The following MAP2 variants were observed in gnomAD, a reference collection of about 807,000 sequenced individuals.
The protein encoded by MAP2 is microtubule associated protein 2.
MAP2 carries 14 observed loss-of-function variants against 137.6 expected under a neutral mutation model. That is an observed-to-expected ratio of 0.10 (90% confidence interval 0.07 to 0.16). MAP2 has a LOEUF of 0.16. MAP2 is among the 10% of genes least tolerant of loss of function. MAP2 has a pLI of 1.00. For synonymous variants in MAP2, 786 were observed against 782.3 expected (o/e 1.00, Z -0.08); for missense variants, 2,088 against 2,191.5 (o/e 0.95, Z 0.94).
At chr2:209,489,702 G>A (rs1052703686) in intron 1 of MAP2, among the ~76,000 whole-genome samples, 6 of 151,926 alleles carry the variant, frequency 3.9e-5, no homozygotes, top group Admixed American at 2.6e-4. Flanking sequence ...AGAGATTGAA[G>A]ATCAATTTAA....
chr2:209,476,252 A>C (rs1487045227), intron 1 of MAP2, among the ~76,000 whole-genome samples: 1 of 152,170 alleles, frequency 6.6e-6, no homozygotes, highest in Non-Finnish European at 1.5e-5. Flanking sequence ...TGGAAAGAAG[A>C]TCTATTGACC....
intron 7 of MAP2, 101 bp downstream of exon 7, chr2:209,680,928 C>A: frequency 2.6e-6 from 2 of 780,592 alleles, no homozygotes; most frequent in Non-Finnish European, 4.2e-6. Flanking sequence ...AGTATGTGAC[C>A]AAGCTTTGGA....
intron 3 of MAP2, among the ~76,000 whole-genome samples, chr2:209,582,035 T>G (rs535985574): frequency 1.4e-4 from 21 of 152,278 alleles, no homozygotes; most frequent in African/African-American, 5.1e-4. Flanking sequence ...AATATTGTGG[T>G]GAGTTAATTC....
Position 209,709,672 on chromosome 2 carries a change from GA to G in MAP2, c.4733-232del, listed in dbSNP as rs533661773. Among the ~76,000 whole-genome samples the G allele has an allele frequency of 2.9e-3, 428 of 148,778 alleles. 1 individual carries two copies. The highest frequency in any genetic ancestry group is 5.5e-3 in the South Asian group (26 of 4,694). Reference sequence around the variant, plus strand: ...AATGAAAATTACGGAGAACAAATCAGAAAAAAAAAATCAGGTTTTTTTCTTT... The same window carrying G: ...AATGAAAATTACGGAGAACAAATCAGAAAAAAAAATCAGGTTTTTTTCTTT... On this transcript the variant is annotated intron_variant, in intron 12 of 15. Transcript: ENST00000682079.
intron 3 of MAP2, among the ~76,000 whole-genome samples, chr2:209,620,316 T>A (rs1487518765): frequency 6.6e-6 from 1 of 152,190 alleles, no homozygotes; most frequent in Non-Finnish European, 1.5e-5. Flanking sequence ...CTTCTGGGTT[T>A]AGAGATGAAA....
At chr2:209,659,182 T>C (rs1322614642) in intron 5 of MAP2, among the ~76,000 whole-genome samples, 4 of 152,168 alleles carry the variant, frequency 2.6e-5, no homozygotes, top group African/African-American at 9.7e-5. Flanking sequence ...TTTTCTATAG[T>C]TTATAATTTA....
chr2:209,554,872 A>ATT (rs2070162780), intron 2 of MAP2, among the ~76,000 whole-genome samples: 1 of 148,500 alleles, frequency 6.7e-6, no homozygotes, highest in Non-Finnish European at 1.5e-5. Context: ...TCTGATAAAT[A>ATT]TTATATATAT....
At chr2:209,511,043 A>G in intron 2 of MAP2, among the ~76,000 whole-genome samples, 1 of 152,120 alleles carries the variant, frequency 6.6e-6, no homozygotes, top group East Asian at 1.9e-4. Context: ...AAGTGTTTGG[A>G]ATGCTGTGAG....
At chr2:209,673,081 T>A (rs2049597204) in intron 5 of MAP2, among the ~76,000 whole-genome samples, 1 of 151,912 alleles carries the variant, frequency 6.6e-6, no homozygotes, top group African/African-American at 2.4e-5. Flanking sequence ...TCACTTTTTA[T>A]CTTCAGATGT....
chr2:209,614,929 T>C (rs1185784767), intron 3 of MAP2, among the ~76,000 whole-genome samples: 1 of 152,174 alleles, frequency 6.6e-6, no homozygotes, highest in Non-Finnish European at 1.5e-5. Context: ...TTCCTCTGCT[T>C]CTAGAGCTTT....
In MAP2 at chr2:209,696,616, A is replaced by C; in HGVS notation, c.4255A>C (p.Arg1419=). 6.2e-7 allele frequency: 1 copy of C among 1,613,952 alleles called. No individual in the cohort carries two copies. The highest frequency in any genetic ancestry group is 8.5e-7 in the Non-Finnish European group (1 of 1,179,904). Residue 1419 remains arginine (R), a synonymous_variant, in exon 9 of 16, where the codon AGA becomes CGA. Coordinates refer to ENST00000682079, the MANE Select transcript of MAP2 (RefSeq NM_001375505.1). ...GGAGAAAGCTGAAAAGGAAGCTCGG[A>C]GATCATCTCTTGAGAAACATAGAAA... The part of the protein sequence containing the change: ...KEEKAEKEAR[R]SSLEKHRKEK...
At chr2:209,595,511 G>A (rs374684610) in intron 3 of MAP2, among the ~76,000 whole-genome samples, 1 of 152,332 alleles carries the variant, frequency 6.6e-6, no homozygotes. Context: ...TTGTTGGTGG[G>A]AGTGTAAACT....
intron 3 of MAP2, among the ~76,000 whole-genome samples, chr2:209,620,438 A>C (rs1051506149): frequency 2.0e-5 from 3 of 152,228 alleles, no homozygotes; most frequent in African/African-American, 7.2e-5. Context: ...TTATATTTTG[A>C]AATAAGTTTC....
intron 5 of MAP2, among the ~76,000 whole-genome samples, chr2:209,670,894 A>T (rs943314540): frequency 1.3e-5 from 2 of 152,020 alleles, no homozygotes; most frequent in Non-Finnish European, 2.9e-5. Flanking sequence ...ATGTAGGAAT[A>T]CCATATCTTA....
chr2:209,508,163 A>G (rs2061295755), intron 2 of MAP2, among the ~76,000 whole-genome samples: 1 of 151,790 alleles, frequency 6.6e-6, no homozygotes, highest in South Asian at 2.1e-4. Flanking sequence ...CTTAATTGAG[A>G]CTCGAAACTA....
chr2:209,575,518 C>CGAA (rs2075221330), intron 2 of MAP2, among the ~76,000 whole-genome samples: 1 of 28,374 alleles, frequency 3.5e-5, no homozygotes, highest in Non-Finnish European at 9.0e-5. Flanking sequence ...GACTCCATCT[C>CGAA]AAAAAAAAAA....
intron 3 of MAP2, 41 bp downstream of exon 3, chr2:209,580,141 CAG>C (rs2076080029): frequency 6.6e-6 from 1 of 151,946 alleles, no homozygotes; most frequent in African/African-American, 2.4e-5. Context: ...GAGGGAAAAT[CAG>C]GGGAGAATTG....
intron 1 of MAP2, among the ~76,000 whole-genome samples, chr2:209,484,002 C>T (rs957424564): frequency 6.6e-6 from 1 of 152,130 alleles, no homozygotes; most frequent in African/African-American, 2.4e-5. Context: ...GAGCTGGGAG[C>T]TGTATCTCAT....
chr2:209,534,006 G>T (rs932771566), intron 2 of MAP2, among the ~76,000 whole-genome samples: 1 of 152,194 alleles, frequency 6.6e-6, no homozygotes, highest in African/African-American at 2.4e-5. Flanking sequence ...CATCCCAAGA[G>T]ACCTGGCTTC....
Sources: gnomAD v4.1 joint callset for allele counts (sites outside exome capture counted in the v4.1 genomes callset) on GRCh38, gnomAD v4.1.1 for gene constraint, MANE v1.5 for transcripts, NCBI Gene and HGNC (gene_info 2026-07-23, HGNC 2026-07-21) for gene names.